Variants in MKLN1 observed in about 807,000 individuals in gnomAD.
The protein encoded by MKLN1 is muskelin 1, also known as muskelin.
In MKLN1, 18 loss-of-function variants were observed where a neutral mutation model predicts 99.0. That is an observed-to-expected ratio of 0.18 (90% CI 0.13 to 0.27). The LOEUF is 0.27. Ranked by LOEUF, MKLN1 falls within the 10% of genes least tolerant of loss-of-function variation. MKLN1 has a pLI of 1.00. For missense variants in MKLN1, 621 were observed against 875.9 expected, an observed-to-expected ratio of 0.71 and a Z score of 3.67; for synonymous variants, 288 against 293.2, an observed-to-expected ratio of 0.98 and a Z score of 0.18.
intron 3 of MKLN1, among the ~76,000 whole-genome samples, chr7:131,240,486 A>AAG (rs78809097): frequency 0.064 from 9,782 of 152,216 alleles, 508 homozygotes; most frequent in East Asian, 0.19. Context: ...CCTCAAAATG[A>AAG]AGAGAGATAA....
upstream of MKLN1, among the ~76,000 whole-genome samples, chr7:131,325,075 T>G (rs920924090): frequency 3.3e-5 from 5 of 152,106 alleles, no homozygotes; most frequent in Non-Finnish European, 7.4e-5. Flanking sequence ...CAGAAGTCTC[T>G]AATTAAAGTT....
intron 10 of MKLN1, 108 bp downstream of exon 10, chr7:131,438,105 G>C (rs1423363055): frequency 6.3e-6 from 5 of 787,550 alleles, no homozygotes; most frequent in Non-Finnish European, 1.1e-5. Flanking sequence ...TGCTTTCCAT[G>C]ACAAATATCT....
At chr7:131,218,643 AATGGATT>A (rs1797018489) in intron 3 of MKLN1, among the ~76,000 whole-genome samples, 1 of 152,208 alleles carries the variant, frequency 6.6e-6, no homozygotes, top group Non-Finnish European at 1.5e-5. Flanking sequence ...ATGTGCATAC[AATGGATT>A]ATTATTCAGT....
intron 1 of MKLN1, among the ~76,000 whole-genome samples, chr7:131,134,905 C>T (rs1467309520): frequency 6.6e-6 from 1 of 152,174 alleles, no homozygotes; most frequent in Admixed American, 6.5e-5. Context: ...TCCAGATTCC[C>T]TAGCTGTAAT....
At chr7:131,218,245 AG>A (rs1168781176) in intron 3 of MKLN1, among the ~76,000 whole-genome samples, 1 of 152,228 alleles carries the variant, frequency 6.6e-6, no homozygotes. Flanking sequence ...CAATTGGAAA[AG>A]TTATAAATCT....
At chr7:131,224,876 A>G (rs1046896420) in intron 3 of MKLN1, among the ~76,000 whole-genome samples, 1 of 151,878 alleles carries the variant, frequency 6.6e-6, no homozygotes, top group Non-Finnish European at 1.5e-5. Context: ...AATCGAGACC[A>G]TCCTGGCTAA....
In MKLN1 at chr7:131,143,010, C is replaced by T. The variant is rs182224420; in HGVS notation, c.-297+69C>T. On this transcript the variant is annotated intron_variant, in intron 2 of 7. Coordinates refer to the MKLN1 transcript ENST00000416992. ...AAAGTACTGTACCTATATAGTAATG[C>T]TTTTCAAATTCTTCTCTCTGGAGTC... 6.3e-6 allele frequency: 7 copies of T among 1,104,734 alleles called. 1 individual carries two copies. The African/African-American group carries it at 6.5e-5, about 10-fold the overall frequency. The allele number at this position is 1,104,734 out of a possible 1,614,324, so 68.4% of individuals were successfully genotyped here.
chr7:131,229,345 A>G (rs4548118), intron 3 of MKLN1, among the ~76,000 whole-genome samples: 101,375 of 150,932 alleles, frequency 0.67, 34,161 homozygotes, highest in Non-Finnish European at 0.7. Flanking sequence ...CCAGTGTGTG[A>G]TGCCCATCCC....
At chr7:131,201,535 A>G (rs1392644054) in intron 2 of MKLN1, among the ~76,000 whole-genome samples, 4 of 152,222 alleles carry the variant, frequency 2.6e-5, no homozygotes, top group Admixed American at 6.5e-5. Flanking sequence ...TGGTAAACTC[A>G]TAAAATGAAT....
At chr7:131,254,395 A>C (rs1797626631) in intron 3 of MKLN1, among the ~76,000 whole-genome samples, 1 of 152,236 alleles carries the variant, frequency 6.6e-6, no homozygotes, top group Non-Finnish European at 1.5e-5. Flanking sequence ...CAGAAACAGG[A>C]AATGTTATGT....
At position 131,460,712 on chromosome 7, in the gene MKLN1, G is replaced by A. The variant is rs528208309; in HGVS notation, c.1526-2505G>A. Reference sequence around the variant, plus strand: ...GTAATAATTGTAGGTGAAAACAGCCGTAGACAACATGTAAATGAATGGACA... The same window carrying A: ...GTAATAATTGTAGGTGAAAACAGCCATAGACAACATGTAAATGAATGGACA... On this transcript the variant is annotated intron_variant, in intron 12 of 17. Transcript: ENST00000352689. Among the ~76,000 whole-genome samples, 10 of 152,266 alleles carry A rather than the reference G, an allele frequency of 6.6e-5. No homozygotes were observed. In the East Asian group the frequency reaches 7.7e-4, roughly 12 times the overall value.
At chr7:131,264,218 C>T (rs955635378) in intron 3 of MKLN1, among the ~76,000 whole-genome samples, 3 of 152,186 alleles carry the variant, frequency 2.0e-5, no homozygotes, top group Non-Finnish European at 2.9e-5. Flanking sequence ...AATTCAGATA[C>T]AGGAGAATCT....
chr7:131,266,541 T>C (rs1488400642), intron 3 of MKLN1, among the ~76,000 whole-genome samples: 1 of 152,118 alleles, frequency 6.6e-6, no homozygotes, highest in African/African-American at 2.4e-5. Context: ...ATCTGATCAC[T>C]GAGAGAAGAG....
In MKLN1 at chr7:131,441,966, G is replaced by A. The variant is rs146948496; in HGVS notation, c.1174-1515G>A. ...GGAAATGTGACCCAGCTCCAGTGGA[G>A]CCCTCAACGGAGGCAGTGGATGGGG... On this transcript the variant is annotated intron_variant, in intron 10 of 17. Coordinates refer to ENST00000352689, the MANE Select transcript of MKLN1 (RefSeq NM_013255.5). 9.2e-5 allele frequency among the ~76,000 whole-genome samples: 14 copies of A among 152,320 alleles called. No homozygotes were observed. In the East Asian group the frequency reaches 2.5e-3, roughly 27 times the overall value.
rs1278526907 is a variant in MKLN1 at position 131,493,234 on chromosome 7, C to G, written c.*5506C>G. 6.6e-6 allele frequency: 1 copy of G among 152,082 alleles called. No individual in the cohort carries two copies. The highest frequency in any genetic ancestry group is 6.6e-5 in the Admixed American group (1 of 15,260). The allele number at this position is 152,082 out of a possible 1,614,324, so 9.4% of individuals were successfully genotyped here. On this transcript the variant is annotated 3_prime_UTR_variant, in exon 18 of 18. Transcript: ENST00000352689. ...CCTTTTTATCTGCTTTTCAGACAGC[C>G]TCAGTGAACTATTAAACATTTGTGT...
chr7:131,186,576 T>C (rs1796453313), intron 2 of MKLN1, among the ~76,000 whole-genome samples: 1 of 152,146 alleles, frequency 6.6e-6, no homozygotes, highest in Admixed American at 6.5e-5. Context: ...ACAAATAACA[T>C]GCAGTAGGTT....
intron 1 of MKLN1, among the ~76,000 whole-genome samples, chr7:131,341,173 T>C (rs1366419471): frequency 6.6e-6 from 1 of 152,144 alleles, no homozygotes; most frequent in Non-Finnish European, 1.5e-5. Flanking sequence ...GGTTGATTTT[T>C]TTTTTTAATG....
chr7:131,464,758 T>C (rs943926987), intron 14 of MKLN1, among the ~76,000 whole-genome samples: 1 of 152,256 alleles, frequency 6.6e-6, no homozygotes, highest in Admixed American at 6.5e-5. Flanking sequence ...TTCCGTGATA[T>C]AACATGGTTT....
chr7:131,173,158 C>T (rs1189373532), intron 2 of MKLN1, among the ~76,000 whole-genome samples: 1 of 151,912 alleles, frequency 6.6e-6, no homozygotes, highest in Non-Finnish European at 1.5e-5. Context: ...CACACACACA[C>T]ACACACACAT....
Sources: gnomAD v4.1 joint callset for allele counts (sites outside exome capture counted in the v4.1 genomes callset) on GRCh38, gnomAD v4.1.1 for gene constraint, MANE v1.5 for transcripts, NCBI Gene and HGNC (gene_info 2026-07-23, HGNC 2026-07-21) for gene names.